Variants in RAPGEF4 observed in about 807,000 individuals in gnomAD.
RAPGEF4 encodes the protein RAP guanine-nucleotide-exchange factor (GEF) 4.
RAPGEF4 carries 66 observed loss-of-function variants against 147.9 expected under a neutral mutation model. That is an observed-to-expected ratio of 0.45 (90% confidence interval 0.37 to 0.55). The LOEUF is 0.55. RAPGEF4 is among the 20% of genes least tolerant of loss of function. The pLI is 0.00. For missense variants in RAPGEF4, 1,071 were observed against 1,257.3 expected (o/e 0.85, Z 2.24); for synonymous variants, 419 against 442.7 (o/e 0.95, Z 0.67).
intron 4 of RAPGEF4, among the ~76,000 whole-genome samples, chr2:172,870,877 A>G (rs551360280): frequency 1.8e-4 from 28 of 152,292 alleles, no homozygotes; most frequent in Non-Finnish European, 3.2e-4. Flanking sequence ...GCTTGGGAAT[A>G]TTTTGGCTTT....
chr2:172,996,109 C>T (rs1341448906), intron 15 of RAPGEF4, among the ~76,000 whole-genome samples: 1 of 152,134 alleles, frequency 6.6e-6, no homozygotes, highest in Non-Finnish European at 1.5e-5. Context: ...CACCAGCTCC[C>T]CCTGCCTGAC....
intron 4 of RAPGEF4, among the ~76,000 whole-genome samples, chr2:172,883,501 C>T (rs1254417978): frequency 6.6e-6 from 1 of 152,178 alleles, no homozygotes; most frequent in East Asian, 1.9e-4. Flanking sequence ...CATTCAAACC[C>T]TAGCATACTT....
intron 4 of RAPGEF4, among the ~76,000 whole-genome samples, chr2:172,817,079 T>G (rs180728612): frequency 1.3e-4 from 20 of 152,344 alleles, no homozygotes; most frequent in Middle Eastern, 3.4e-3. Flanking sequence ...AAGATTGAAT[T>G]CTGTTTATTG....
intron 1 of RAPGEF4, among the ~76,000 whole-genome samples, chr2:172,793,305 T>C (rs1011135643): frequency 3.9e-5 from 6 of 152,206 alleles, no homozygotes; most frequent in African/African-American, 1.4e-4. Context: ...CCAAAGAAGA[T>C]TACATGCACA....
intron 4 of RAPGEF4, among the ~76,000 whole-genome samples, chr2:172,856,339 C>A (rs1575052653): frequency 6.6e-6 from 1 of 152,054 alleles, no homozygotes; most frequent in Non-Finnish European, 1.5e-5. Flanking sequence ...GCTGAGATTT[C>A]TTTTATGTCC....
chr2:172,917,899 GT>G lies in RAPGEF4; in HGVS notation c.517+26del, dbSNP rs759163109. ...AGTAAGTGGAAAATGTGAACATTTT[GT>G]ATCTAAAAATTTGTCGTGTGGTATG... On this transcript the variant is annotated intron_variant, in intron 5 of 30. Transcript: ENST00000397081. 85 of 1,596,890 alleles carry G rather than the reference GT, an allele frequency of 5.3e-5. No individual in the cohort carries two copies. In the East Asian group the frequency reaches 1.9e-3, roughly 35 times the overall value.
chr2:172,814,502 C>G (rs767781502), intron 4 of RAPGEF4, 77 bp downstream of exon 4: 1 of 1,506,138 alleles, frequency 6.6e-7, no homozygotes, highest in Non-Finnish European at 9.2e-7. Context: ...AATGGCATTA[C>G]AGTCAAGCCT....
At chr2:172,776,353 A>G (rs923943357) in intron 1 of RAPGEF4, among the ~76,000 whole-genome samples, 4 of 152,220 alleles carry the variant, frequency 2.6e-5, no homozygotes, top group African/African-American at 9.6e-5. Flanking sequence ...GGGGAAATAA[A>G]TCCCACCTCT....
At chr2:172,904,597 G>A (rs1371324653) in intron 4 of RAPGEF4, among the ~76,000 whole-genome samples, 1 of 152,078 alleles carries the variant, frequency 6.6e-6, no homozygotes, top group East Asian at 1.9e-4. Flanking sequence ...TCATATGAAA[G>A]GCACAAATGG....
At chr2:172,988,610 G>T (rs907255505) in intron 13 of RAPGEF4, 83 bp from the exon 14 acceptor site, 3 of 1,450,118 alleles carry the variant, frequency 2.1e-6, no homozygotes, top group African/African-American at 2.8e-5. Context: ...TGTTTTAGGG[G>T]CTTGGGGGTC....
chr2:172,739,178 T>C (rs187180848), intron 1 of RAPGEF4, among the ~76,000 whole-genome samples: 4 of 152,254 alleles, frequency 2.6e-5, no homozygotes, highest in African/African-American at 9.6e-5. Context: ...TAAACCAACA[T>C]TGAAAAAAGT....
At chr2:172,995,939 T>C (rs1470266570) in intron 15 of RAPGEF4, among the ~76,000 whole-genome samples, 1 of 152,224 alleles carries the variant, frequency 6.6e-6, no homozygotes, top group Admixed American at 6.5e-5. Flanking sequence ...TTTTGTTTGC[T>C]TTCTCTCGTT....
chr2:172,769,851 C>A (rs1377745085), intron 1 of RAPGEF4, among the ~76,000 whole-genome samples: 1 of 151,952 alleles, frequency 6.6e-6, no homozygotes, highest in East Asian at 1.9e-4. Flanking sequence ...ATCTGAAATT[C>A]AAATATAAGT....
Position 173,049,674 on chromosome 2 carries a change from A to G in RAPGEF4, c.2908+1020A>G, listed in dbSNP as rs368571239. 3.8e-4 allele frequency among the ~76,000 whole-genome samples: 58 copies of G among 152,298 alleles called. No homozygotes were observed. In the South Asian group the frequency reaches 0.011, roughly 28 times the overall value. ...TTTTTAATGAATAGGGAGGAAAAAT[A>G]TAAGAAAAATGACATTGATTTGGGG... On this transcript the variant is annotated intron_variant, in intron 30 of 30. Transcript: ENST00000397081.
At chr2:173,010,690 C>G (rs2105864444) in intron 17 of RAPGEF4, among the ~76,000 whole-genome samples, 1 of 152,308 alleles carries the variant, frequency 6.6e-6, no homozygotes. Context: ...TACAAACTTT[C>G]TAAAAGCCTG....
intron 3 of RAPGEF4, among the ~76,000 whole-genome samples, chr2:172,813,719 TCTC>T (rs979651907): frequency 2.0e-5 from 3 of 152,128 alleles, no homozygotes. Flanking sequence ...TCGATAGATT[TCTC>T]CTCTTTTCTG....
rs1283034597 is a variant in RAPGEF4, at chr2:173,001,323, T to G, written c.1637T>G (p.Leu546Arg). ...TGTGTTTTTATGCCAAATACCCAGC[T>G]TTGCCCGGCACTGGTGGCCCAATAT... ...MHCVFMPNTQ[L>R]CPALVAHYHA... The change falls in exon 17 of 31, where the codon CTT becomes CGT. Residue 546 changes from leucine (L) to arginine (R), a missense_variant. Transcript: ENST00000397081. The G allele has an allele frequency of 6.2e-7, 1 of 1,613,974 alleles. No individual in the cohort carries two copies. The highest frequency in any genetic ancestry group is 8.5e-7 in the Non-Finnish European group (1 of 1,179,974).
At chr2:172,932,357 A>T (rs545645435) in intron 6 of RAPGEF4, among the ~76,000 whole-genome samples, 28 of 152,320 alleles carry the variant, frequency 1.8e-4, no homozygotes, top group African/African-American at 6.5e-4. Flanking sequence ...TCCATACAGA[A>T]CAATTGAGTT....
intron 3 of RAPGEF4, among the ~76,000 whole-genome samples, chr2:172,810,591 G>T (rs776199582): frequency 1.4e-4 from 21 of 152,344 alleles, no homozygotes; most frequent in Non-Finnish European, 2.5e-4. Context: ...GCCAGATGGC[G>T]TGTCGGTGAT....
Sources: allele counts gnomAD v4.1 joint callset (sites outside exome capture counted in the v4.1 genomes callset), GRCh38; gene constraint gnomAD v4.1.1; transcripts MANE v1.5; gene names NCBI Gene and HGNC (gene_info 2026-07-23, HGNC 2026-07-21).